Variants in ABCB7 observed in about 807,000 individuals in gnomAD.
ABCB7 encodes the protein iron-sulfur clusters transporter ABCB7, mitochondrial.
ABCB7 carries 7 observed loss-of-function variants against 54.4 expected under a neutral mutation model. The ratio of observed to expected loss-of-function variants is 0.13; its 90% CI spans 0.07 to 0.24. The LOEUF is 0.24. ABCB7 is among the 10% of genes least tolerant of loss of function. The probability of loss-of-function intolerance (pLI) is 1.00; values close to 1 mark genes in which losing one functional copy is unlikely to be tolerated. For missense variants in ABCB7, 356 were observed against 570.4 expected (o/e 0.62, Z 3.83); for synonymous variants, 218 against 207.1 (o/e 1.05, Z -0.45).
chrX:75,136,535 C>T (rs191706965), intron 1 of ABCB7, among the ~76,000 whole-genome samples: 1 of 111,326 alleles, frequency 9.0e-6, no homozygotes, highest in Non-Finnish European at 1.9e-5. Context: ...ATAGCCAAAA[C>T]AATCCTAAGC....
intron 3 of ABCB7, among the ~76,000 whole-genome samples, chrX:75,101,760 C>A (rs1316904484): frequency 9.0e-6 from 1 of 111,689 alleles, no homozygotes; most frequent in Non-Finnish European, 1.9e-5. Context: ...TCTTTAGAAA[C>A]ACTCTCTTCT....
rs764874346 is a variant in ABCB7 at position 75,099,035 on chromosome X, G to A, written c.360C>T (p.Ile120=). 2 of 1,210,043 alleles carry A rather than the reference G, an allele frequency of 1.7e-6. No homozygotes were observed. The highest frequency in any genetic ancestry group is 1.8e-5 in the South Asian group (1 of 56,960). The change falls in exon 4 of 16, where the codon ATC becomes ATT. Residue 120 remains isoleucine, a synonymous_variant. Transcript: ENST00000373394. Reference sequence around the variant, plus strand: ...ACACATAAGAAAGCATTGCTTTTATGATTTTCCGAGTATCAACATCTTTTA... The same window carrying A: ...ACACATAAGAAAGCATTGCTTTTATAATTTTCCGAGTATCAACATCTTTTA... The part of the protein sequence containing the change: ...EGLKDVDTRK[I]IKAMLSYVWP...
At chrX:75,095,280 C>T (rs1163199219) in intron 4 of ABCB7, among the ~76,000 whole-genome samples, 1 of 111,351 alleles carries the variant, frequency 9.0e-6, no homozygotes, top group African/African-American at 3.3e-5. Flanking sequence ...ACTAAAATCC[C>T]CAGAATATGT....
intron 3 of ABCB7, among the ~76,000 whole-genome samples, chrX:75,106,827 G>C (rs1259376979): frequency 1.8e-5 from 2 of 111,288 alleles, no homozygotes; most frequent in African/African-American, 3.3e-5. Flanking sequence ...GGACTATAAG[G>C]CTCCACCAAT....
chrX:75,118,644 CAG>C (rs2081845612), intron 1 of ABCB7, among the ~76,000 whole-genome samples: 1 of 111,229 alleles, frequency 9.0e-6, no homozygotes, highest in South Asian at 3.8e-4. Context: ...GGGGGGGTGA[CAG>C]AAATTAATTT....
chrX:75,098,375 C>T (rs764551133), intron 4 of ABCB7, among the ~76,000 whole-genome samples: 1 of 110,157 alleles, frequency 9.1e-6, no homozygotes, highest in Admixed American at 9.6e-5. Flanking sequence ...CTTGAAAACT[C>T]GAGGTCATCA....
At chrX:75,130,736 G>C in intron 1 of ABCB7, among the ~76,000 whole-genome samples, 1 of 111,272 alleles carries the variant, frequency 9.0e-6, no homozygotes, top group Non-Finnish European at 1.9e-5. Flanking sequence ...AACAAAAAGA[G>C]TTAAACTTAG....
chrX:75,115,266 C>CAAAA lies in ABCB7; in HGVS notation c.169-439_169-436dup, dbSNP rs1160024642. On this transcript the variant is annotated intron_variant, in intron 1 of 15. Coordinates refer to ENST00000373394, the MANE Select transcript of ABCB7 (RefSeq NM_001271696.3). ...CTGGCAACAGAGCGAGACTCTGTCT[C>CAAAA]AAAAAAAAAAAAAAAAAAAAAAAAA... 7.9e-3 allele frequency among the ~76,000 whole-genome samples: 105 copies of CAAAA among 13,236 alleles called. 5 individuals are homozygous for CAAAA. Among genetic ancestry groups the CAAAA allele is most frequent in the African/African-American group, 0.026 (80 of 3,079 alleles). 11.5% of individuals were successfully genotyped at this position (13,236 alleles called of 115,157 possible).
intron 1 of ABCB7, among the ~76,000 whole-genome samples, chrX:75,139,966 T>C: frequency 9.0e-6 from 1 of 111,664 alleles, no homozygotes; most frequent in Middle Eastern, 4.6e-3. Flanking sequence ...GTATAGAATG[T>C]TTAAGACACA....
chrX:75,154,220 A>G (rs1422962165), intron 1 of ABCB7, among the ~76,000 whole-genome samples: 1 of 111,841 alleles, frequency 8.9e-6, no homozygotes, highest in African/African-American at 3.3e-5. Flanking sequence ...TGTAAAGGAC[A>G]GAGTGGAAGA....
chrX:75,101,750 T>G (rs953984038), intron 3 of ABCB7, among the ~76,000 whole-genome samples: 1 of 111,872 alleles, frequency 8.9e-6, no homozygotes, highest in African/African-American at 3.2e-5. Context: ...CTTTCACGTA[T>G]CTTTAGAAAC....
intron 1 of ABCB7, among the ~76,000 whole-genome samples, chrX:75,145,766 G>C (rs2082086241): frequency 9.0e-6 from 1 of 110,639 alleles, no homozygotes; most frequent in Non-Finnish European, 1.9e-5. Context: ...GAAATACAGG[G>C]CATCCAAATA....
At chrX:75,109,266 A>C (rs2081735378) in intron 3 of ABCB7, among the ~76,000 whole-genome samples, 1 of 112,005 alleles carries the variant, frequency 8.9e-6, no homozygotes, top group Admixed American at 9.5e-5. Context: ...GAGAATAAAA[A>C]ACCAAAACAG....
At chrX:75,152,172 C>T (rs957698720) in intron 1 of ABCB7, among the ~76,000 whole-genome samples, 3 of 112,303 alleles carry the variant, frequency 2.7e-5, no homozygotes, top group Non-Finnish European at 5.6e-5. Context: ...TATTGGTCTC[C>T]TAATAAAAGG....
intron 8 of ABCB7, among the ~76,000 whole-genome samples, chrX:75,072,754 C>A (rs2081373697): frequency 9.0e-6 from 1 of 110,990 alleles, no homozygotes. Flanking sequence ...TTAATATTTT[C>A]TTTCTTCAAT....
rs2081196965 is a variant in ABCB7 at position 75,051,662 on chromosome X, T to C, written c.*1708A>G. 1 of 112,500 alleles carries C rather than the reference T, an allele frequency of 8.9e-6. No homozygotes were observed. The highest frequency in any genetic ancestry group is 3.2e-5 in the African/African-American group (1 of 31,023). The allele number at this position is 112,500 out of a possible 1,213,427, so 9.3% of individuals were successfully genotyped here. On this transcript the variant is annotated 3_prime_UTR_variant, in exon 16 of 16. Transcript: ENST00000373394. ...TGGGCTCCTCCTCGTTATGTCAGGC[T>C]TAAAGAAACTAATTAAATTACTGAA...
intron 4 of ABCB7, among the ~76,000 whole-genome samples, chrX:75,084,613 G>GAA (rs202031138): frequency 9.0e-6 from 1 of 110,699 alleles, no homozygotes; most frequent in Non-Finnish European, 1.9e-5. Context: ...ATCCATAAAG[G>GAA]AAAAAAATAA....
intron 3 of ABCB7, among the ~76,000 whole-genome samples, chrX:75,104,047 G>GTTTTTTTTTTTTTTTATTTTTT (rs2081664415): frequency 7.4e-5 from 1 of 13,443 alleles, no homozygotes; most frequent in Non-Finnish European, 1.7e-4. Flanking sequence ...TCTTGTTACA[G>GTTTTTTTTTTTTTTTATTTTTT]TTTTTTTTTT....
chrX:75,117,779 C>A (rs2081836323), intron 1 of ABCB7, among the ~76,000 whole-genome samples: 2 of 111,683 alleles, frequency 1.8e-5, no homozygotes, highest in African/African-American at 6.5e-5. Context: ...GAAAAAATCC[C>A]TTTGCTACTG....
Sources: gnomAD v4.1 joint callset for allele counts (sites outside exome capture counted in the v4.1 genomes callset) on GRCh38, gnomAD v4.1.1 for gene constraint, MANE v1.5 for transcripts, NCBI Gene and HGNC (gene_info 2026-07-23, HGNC 2026-07-21) for gene names.